The following COL24A1 variants were observed in gnomAD, a reference collection of about 807,000 sequenced individuals.
COL24A1 encodes collagen alpha-1(XXIV) chain.
In COL24A1, 224 loss-of-function variants were observed where a neutral mutation model predicts 253.9. That is an observed-to-expected ratio of 0.88 (90% CI 0.79 to 0.99). The LOEUF (loss-of-function observed/expected upper bound fraction) is 0.99. COL24A1 is among the 50% of genes least tolerant of loss of function. COL24A1 has a pLI of 0.00. For missense variants in COL24A1, 2,131 were observed against 2,068.5 expected (o/e 1.03, Z -0.59); for synonymous variants, 685 against 673.7 (o/e 1.02, Z -0.26).
At chr1:86,147,714 G>A (rs541917304) in intron 1 of COL24A1, among the ~76,000 whole-genome samples, 9 of 152,288 alleles carry the variant, frequency 5.9e-5, no homozygotes, top group Admixed American at 2.0e-4. Context: ...CAGATTGTAC[G>A]TGTGCCAAAC....
At chr1:85,860,436 T>A (rs867361622) in intron 37 of COL24A1, among the ~76,000 whole-genome samples, 2 of 152,120 alleles carry the variant, frequency 1.3e-5, no homozygotes, top group South Asian at 4.1e-4. Flanking sequence ...ATTTAGGACA[T>A]TTCATATAAA....
At chr1:85,761,892 A>C (rs893483446) in intron 53 of COL24A1, among the ~76,000 whole-genome samples, 1 of 152,120 alleles carries the variant, frequency 6.6e-6, no homozygotes, top group African/African-American at 2.4e-5. Context: ...CCATCCACCT[A>C]ATCATCAAAT....
chr1:86,103,594 A>C (rs1704663049), intron 5 of COL24A1, among the ~76,000 whole-genome samples: 1 of 152,188 alleles, frequency 6.6e-6, no homozygotes. Context: ...TAACTCCCTC[A>C]GCATTTGCTT....
At chr1:86,094,596 A>G (rs1034760081) in intron 5 of COL24A1, among the ~76,000 whole-genome samples, 1 of 152,054 alleles carries the variant, frequency 6.6e-6, no homozygotes, top group African/African-American at 2.4e-5. Flanking sequence ...CATATGTAAC[A>G]AACTTGCACA....
intron 32 of COL24A1, among the ~76,000 whole-genome samples, chr1:85,882,356 T>C (rs537563849): frequency 1.1e-3 from 165 of 152,152 alleles, no homozygotes; most frequent in Middle Eastern, 3.4e-3. Flanking sequence ...CCCAGCTACT[T>C]GGAGAGGCTG....
intron 7 of COL24A1, among the ~76,000 whole-genome samples, chr1:86,075,614 C>A (rs967594112): frequency 2.0e-5 from 3 of 152,196 alleles, no homozygotes; most frequent in Non-Finnish European, 4.4e-5. Flanking sequence ...AGGCCAATAT[C>A]CTTGATGAAT....
chr1:85,801,964 C>T (rs1215966387), intron 47 of COL24A1, among the ~76,000 whole-genome samples: 1 of 152,040 alleles, frequency 6.6e-6, no homozygotes, highest in Non-Finnish European at 1.5e-5. Context: ...TCCCTCATGT[C>T]TCCCAATCAA....
intron 24 of COL24A1, among the ~76,000 whole-genome samples, chr1:85,960,170 A>T (rs1690874219): frequency 7.1e-6 from 1 of 140,758 alleles, no homozygotes; most frequent in African/African-American, 2.6e-5. Flanking sequence ...CAAGACCAAG[A>T]TTTATAATTA....
intron 32 of COL24A1, among the ~76,000 whole-genome samples, chr1:85,882,978 T>C (rs1682034798): frequency 6.6e-6 from 1 of 152,228 alleles, no homozygotes; most frequent in Non-Finnish European, 1.5e-5. Flanking sequence ...CATGGATTTC[T>C]TGAAGACAAC....
intron 47 of COL24A1, among the ~76,000 whole-genome samples, chr1:85,797,538 G>T (rs1304737115): frequency 6.6e-6 from 1 of 152,154 alleles, no homozygotes; most frequent in Non-Finnish European, 1.5e-5. Context: ...TAGAATTTTG[G>T]GGGCTAAGTA....
chr1:86,135,062 G>C (rs568746464), intron 2 of COL24A1, among the ~76,000 whole-genome samples: 1 of 152,058 alleles, frequency 6.6e-6, no homozygotes, highest in South Asian at 2.1e-4. Flanking sequence ...ATTTAGGAGA[G>C]TTAGCTCTTC....
chr1:86,006,457 A>C (rs1695968968), intron 19 of COL24A1, among the ~76,000 whole-genome samples: 1 of 152,222 alleles, frequency 6.6e-6, no homozygotes, highest in South Asian at 2.1e-4. Context: ...GGACATCTAC[A>C]TGCAAAAAAG....
intron 31 of COL24A1, among the ~76,000 whole-genome samples, chr1:85,892,171 T>C (rs1028104292): frequency 6.6e-6 from 1 of 152,114 alleles, no homozygotes; most frequent in African/African-American, 2.4e-5. Flanking sequence ...GCAAAACCAA[T>C]ATATGACTTC....
At chr1:85,915,845 G>T (rs1309174853) in intron 24 of COL24A1, among the ~76,000 whole-genome samples, 1 of 151,950 alleles carries the variant, frequency 6.6e-6, no homozygotes, top group Non-Finnish European at 1.5e-5. Context: ...GCAGAGATGG[G>T]GTTTCACCAT....
chr1:85,942,397 G>T (rs754128437), intron 24 of COL24A1, among the ~76,000 whole-genome samples: 2 of 152,154 alleles, frequency 1.3e-5, no homozygotes, highest in Non-Finnish European at 2.9e-5. Context: ...CTGGTTTTGA[G>T]TATCTATCCT....
In COL24A1 at chr1:85,925,564, C is replaced by A. The variant is rs541000835; in HGVS notation, c.2563-14131G>T. Among the ~76,000 whole-genome samples, 279 of 152,196 alleles carry A rather than the reference C, an allele frequency of 1.8e-3. 1 individual carries two copies. The highest frequency in any genetic ancestry group is 2.8e-3 in the Non-Finnish European group (191 of 68,004). On this transcript the variant is annotated intron_variant, in intron 24 of 59. Transcript: ENST00000370571. ...CTTTGACAAACCTGAGAAAAACAAGCAATGGGGAAAGGATTCCCTATTTAA... is the reference window on the plus strand; with the variant it reads ...CTTTGACAAACCTGAGAAAAACAAGAAATGGGGAAAGGATTCCCTATTTAA...
chr1:86,082,234 A>T (rs1020231301), intron 7 of COL24A1, among the ~76,000 whole-genome samples: 3 of 151,954 alleles, frequency 2.0e-5, no homozygotes, highest in Admixed American at 6.6e-5. Flanking sequence ...ATAATAATAT[A>T]CTCTACATGC....
At chr1:85,779,611 G>A (rs1266088390) in intron 52 of COL24A1, among the ~76,000 whole-genome samples, 1 of 152,104 alleles carries the variant, frequency 6.6e-6, no homozygotes, top group East Asian at 1.9e-4. Context: ...ATTGCTAAAA[G>A]TACTTTGGTT....
Position 86,098,028 on chromosome 1 carries a change from A to G in COL24A1, c.1600-5708T>C, listed in dbSNP as rs369965182. Among the ~76,000 whole-genome samples the G allele has an allele frequency of 3.3e-5, 5 of 152,284 alleles. No individual in the cohort carries two copies. In the South Asian group the frequency reaches 8.3e-4, roughly 25 times the overall value. On this transcript the variant is annotated intron_variant, in intron 5 of 59. Transcript: ENST00000370571. ...ATTACAAAGTCAGGATAAGATACAT[A>G]AAACAACATTATGTGAGTATACAGG...
Sources: allele counts gnomAD v4.1 joint callset (sites outside exome capture counted in the v4.1 genomes callset), GRCh38; gene constraint gnomAD v4.1.1; transcripts MANE v1.5; gene names NCBI Gene and HGNC (gene_info 2026-07-23, HGNC 2026-07-21).